GLI3: variants seen among roughly 807,000 people sequenced by gnomAD.
GLI3 encodes GLI family zinc finger 3, also known as transcription activator GLI3.
GLI3 carries 20 observed loss-of-function variants against 100.8 expected under a neutral mutation model. The ratio of observed to expected loss-of-function variants is 0.20; its 90% CI spans 0.14 to 0.29. The LOEUF (loss-of-function observed/expected upper bound fraction) is 0.29, where lower values mean the gene tolerates loss of function less well. Among genes scored for constraint, GLI3 ranks in the 10% least tolerant of loss-of-function variants. The probability of loss-of-function intolerance (pLI) is 1.00; values close to 1 mark genes in which losing one functional copy is unlikely to be tolerated. For synonymous variants in GLI3, 938 were observed against 860.5 expected (o/e 1.09, Z -1.58); for missense variants, 2,040 against 2,128.5 (o/e 0.96, Z 0.82).
chr7:42,162,047 T>G (rs564181888), intron 2 of GLI3, among the ~76,000 whole-genome samples: 3 of 152,220 alleles, frequency 2.0e-5, no homozygotes, highest in Admixed American at 2.0e-4. Flanking sequence ...GAATGGCTGC[T>G]GCCCTCAAGG....
intron 1 of GLI3, among the ~76,000 whole-genome samples, chr7:42,252,567 A>T (rs1330071652): frequency 6.6e-6 from 1 of 152,214 alleles, no homozygotes; most frequent in Non-Finnish European, 1.5e-5. Flanking sequence ...TTATACACAC[A>T]AAAAGTGATT....
chr7:42,085,909 C>T (rs951247344), intron 3 of GLI3, among the ~76,000 whole-genome samples: 7 of 152,132 alleles, frequency 4.6e-5, no homozygotes, highest in Non-Finnish European at 1.0e-4. Context: ...AGCAGTATTT[C>T]AAGAGTGTGC....
intron 3 of GLI3, among the ~76,000 whole-genome samples, chr7:42,101,557 G>C (rs935695186): frequency 6.6e-6 from 1 of 151,982 alleles, no homozygotes; most frequent in Non-Finnish European, 1.5e-5. Flanking sequence ...AGTGAGCCAT[G>C]TTGGCACCAC....
rs768727526 is a variant in GLI3, at chr7:41,966,295, C to T, written c.2778G>A (p.Gln926=). The stretch of plus-strand genomic sequence containing the variant: ...CCGCGTACTTGGCCTTGAGGCGGTA[C>T]TGCTGGGCGGGCGTGAGGCTGAGCA... ...PSLLSLTPAQ[Q]YRLKAKYAAA... The change falls in exon 15 of 15, where the codon CAG becomes CAA. Residue 926 remains glutamine, a synonymous_variant. Coordinates refer to ENST00000395925, the MANE Select transcript of GLI3 (RefSeq NM_000168.6). This position sits in a 1 kb window ranked among gnomAD's most constrained non-coding sequence, Gnocchi z 5.8. 3.7e-6 allele frequency: 6 copies of T among 1,608,078 alleles called. No homozygotes were observed. Among genetic ancestry groups the T allele is most frequent in the Non-Finnish European group, 4.2e-6 (5 of 1,179,232 alleles).
At chr7:41,977,447 G>A (rs952826434) in intron 12 of GLI3, 111 bp downstream of exon 12, 3 of 1,127,884 alleles carry the variant, frequency 2.7e-6, no homozygotes, top group Non-Finnish European at 3.9e-6. Context: ...CCTCATGCTG[G>A]GAATGGCCAA....
chr7:41,980,324 T>G (rs1787624362), intron 10 of GLI3, among the ~76,000 whole-genome samples: 1 of 152,200 alleles, frequency 6.6e-6, no homozygotes, highest in Non-Finnish European at 1.5e-5. Context: ...AGAACAGATG[T>G]TCTGGACAGG....
chr7:42,099,596 T>C (rs1785414995), intron 3 of GLI3, among the ~76,000 whole-genome samples: 2 of 152,152 alleles, frequency 1.3e-5, no homozygotes, highest in Non-Finnish European at 2.9e-5. Context: ...CAGGCTGGAG[T>C]GCAGAGGTGC....
At chr7:42,062,994 C>T (rs1006126385) in intron 4 of GLI3, among the ~76,000 whole-genome samples, 2 of 152,048 alleles carry the variant, frequency 1.3e-5, no homozygotes, top group Non-Finnish European at 2.9e-5. Context: ...GAATAAACAC[C>T]ATTAATCATG....
chr7:42,067,179 C>T (rs914811341), intron 4 of GLI3, among the ~76,000 whole-genome samples: 2 of 152,118 alleles, frequency 1.3e-5, no homozygotes, highest in African/African-American at 4.8e-5. Flanking sequence ...GAGGCCCCTT[C>T]AGAGGTCTGA....
chr7:42,069,319 G>A (rs1176099242), intron 4 of GLI3, among the ~76,000 whole-genome samples: 1 of 152,156 alleles, frequency 6.6e-6, no homozygotes, highest in Non-Finnish European at 1.5e-5. Context: ...TCTGTTTTGT[G>A]GTTGTTTCTT....
At chr7:42,165,793 T>A (rs1236927051) in intron 2 of GLI3, among the ~76,000 whole-genome samples, 1 of 152,164 alleles carries the variant, frequency 6.6e-6, no homozygotes, top group African/African-American at 2.4e-5. Context: ...ATATTCTAAA[T>A]AATTCAATCA....
At chr7:42,159,433 G>A (rs987852809) in intron 2 of GLI3, among the ~76,000 whole-genome samples, 2 of 152,152 alleles carry the variant, frequency 1.3e-5, no homozygotes, top group African/African-American at 4.8e-5. Flanking sequence ...AATGCTAAAT[G>A]AGTCAATAAA....
chr7:42,235,194 T>C (rs1788766658), intron 1 of GLI3, among the ~76,000 whole-genome samples: 1 of 152,236 alleles, frequency 6.6e-6, no homozygotes, highest in African/African-American at 2.4e-5. Context: ...CTACTATTAA[T>C]TTTTAATCTA....
chr7:42,213,475 TC>T (rs1164488013), intron 2 of GLI3, among the ~76,000 whole-genome samples: 1 of 152,154 alleles, frequency 6.6e-6, no homozygotes, highest in African/African-American at 2.4e-5. Context: ...GTTTATTATC[TC>T]CCTCATCAGG....
intron 3 of GLI3, among the ~76,000 whole-genome samples, chr7:42,147,916 G>C (rs866505655): frequency 1.3e-5 from 2 of 152,074 alleles, no homozygotes; most frequent in Non-Finnish European, 2.9e-5. Context: ...TTTGGATGGA[G>C]TAACTCTAGT....
intron 10 of GLI3, among the ~76,000 whole-genome samples, chr7:41,983,834 G>A (rs544703748): frequency 1.3e-5 from 2 of 152,186 alleles, no homozygotes; most frequent in Admixed American, 1.3e-4. Context: ...CATGTCTTCA[G>A]TTTTCCAATT....
intron 3 of GLI3, among the ~76,000 whole-genome samples, chr7:42,079,293 T>C (rs1396241208): frequency 6.6e-6 from 1 of 152,192 alleles, no homozygotes; most frequent in African/African-American, 2.4e-5. Flanking sequence ...TTAACCATTT[T>C]CAAAGGAAAT....
chr7:42,129,559 C>A (rs1786219917), intron 3 of GLI3, among the ~76,000 whole-genome samples: 1 of 152,170 alleles, frequency 6.6e-6, no homozygotes, highest in African/African-American at 2.4e-5. Flanking sequence ...GCCTGTAATC[C>A]CAGCACTTTG....
At chr7:42,025,467 GC>G in intron 8 of GLI3, 90 bp from the exon 9 acceptor site, 2 of 919,314 alleles carry the variant, frequency 2.2e-6, no homozygotes, top group Non-Finnish European at 3.6e-6. Flanking sequence ...CTCGGGACAA[GC>G]GGTCTTATTT....
Sources: gnomAD v4.1 joint callset for allele counts (sites outside exome capture counted in the v4.1 genomes callset) on GRCh38, gnomAD v4.1.1 for gene constraint, Gnocchi (gnomAD v3.1) non-coding constraint, MANE v1.5 for transcripts, NCBI Gene and HGNC (gene_info 2026-07-23, HGNC 2026-07-21) for gene names.